The following SEC23A variants were observed in gnomAD, a reference collection of about 807,000 sequenced individuals.
The protein encoded by SEC23A is SEC23 homolog A, COPII component.
In SEC23A, 56 loss-of-function variants were observed where a neutral mutation model predicts 103.7. That is an observed-to-expected ratio of 0.54 (90% CI 0.44 to 0.67). The LOEUF is 0.67. Ranked by LOEUF, SEC23A falls within the 30% of genes least tolerant of loss-of-function variation. The pLI is 0.00. For synonymous variants in SEC23A, 281 were observed against 293.0 expected (o/e 0.96, Z 0.42); for missense variants, 784 against 936.4 (o/e 0.84, Z 2.12).
Position 39,045,296 on chromosome 14 carries a change from A to G in SEC23A, c.1766T>C (p.Phe589Ser). Residue 589 changes from phenylalanine (F) to serine (S), a missense_variant, in exon 16 of 20, where the codon TTC becomes TCC. By Grantham distance (155) the Phe-to-Ser change is radical (BLOSUM62 -2). Coordinates refer to ENST00000307712, the MANE Select transcript of SEC23A (RefSeq NM_006364.4). The stretch of plus-strand genomic sequence containing the variant: ...AGGACTATTGTTAAAAACTTGCAGG[A>G]AAGAAGATCTTCTTAAATGAAACAT... ...QFMFHLRRSS[F>S]LQVFNNSPDE... 1 of 1,610,290 alleles carries G rather than the reference A, an allele frequency of 6.2e-7. No individual in the cohort carries two copies. Among genetic ancestry groups the G allele is most frequent in the South Asian group, 1.1e-5 (1 of 90,962 alleles).
chr14:39,094,420 ATATATATATATATATATATATATTTT>A lies in SEC23A; in HGVS notation c.222-1202_222-1177del, dbSNP rs1323400050. On this transcript the variant is annotated intron_variant, in intron 2 of 19. Coordinates refer to ENST00000307712, the MANE Select transcript of SEC23A (RefSeq NM_006364.4). ...CACATATATATATATATATATATAT[ATATATATATATATATATATATATTTT>A]TTTTTTTTTTTTTTCCCCTCCTGTA... Among the ~76,000 whole-genome samples the A allele has an allele frequency of 2.7e-4, 17 of 62,534 alleles. 5 individuals are homozygous for A. Among genetic ancestry groups the A allele is most frequent in the African/African-American group, 2.0e-3 (15 of 7,616 alleles). The allele number at this position is 62,534 out of a possible 152,430, so 41.0% of individuals were successfully genotyped here.
chr14:39,064,301 CAT>C (rs1253761232), intron 11 of SEC23A, among the ~76,000 whole-genome samples: 3 of 152,040 alleles, frequency 2.0e-5, no homozygotes, highest in African/African-American at 7.2e-5. Flanking sequence ...TCCACAGCTA[CAT>C]GATTCTACCA....
In SEC23A at chr14:39,032,436, C is replaced by T. The variant is rs575287771; in HGVS notation, c.*803G>A. 6.6e-6 allele frequency: 1 copy of T among 152,634 alleles called. No individual in the cohort carries two copies. The highest frequency in any genetic ancestry group is 1.9e-4 in the East Asian group (1 of 5,182). 9.5% of individuals were successfully genotyped at this position (152,634 alleles called of 1,614,324 possible). A position where few individuals can be genotyped will look rare whatever the true frequency, so the allele number is the denominator to read the frequency against. On this transcript the variant is annotated 3_prime_UTR_variant, in exon 20 of 20. Coordinates refer to ENST00000307712, the MANE Select transcript of SEC23A (RefSeq NM_006364.4). ...GAAAAACAAGGGGAAAACAACAAAA[C>T]CATGCTGTGAAAACTAAATTTGGTT...
At chr14:39,048,224 C>T (rs944431283) in intron 15 of SEC23A, among the ~76,000 whole-genome samples, 1 of 152,090 alleles carries the variant, frequency 6.6e-6, no homozygotes, top group Non-Finnish European at 1.5e-5. Context: ...AATTTCTTAG[C>T]TATCCCAAAA....
Position 39,091,697 on chromosome 14 carries a change from G to T in SEC23A, c.383C>A (p.Pro128His), listed in dbSNP as rs760123044. The T allele has an allele frequency of 6.2e-7, 1 of 1,613,254 alleles. No homozygotes were observed. The highest frequency in any genetic ancestry group is 8.5e-7 in the Non-Finnish European group (1 of 1,179,352). ...ATCAACCACATAGAGGAATATCAAA[G>T]GCATCTGAGGACCACGCTTTTAAAA... is the stretch of plus-strand genomic sequence containing the variant. ...EYVVLRGPQMPLIFLYVVDTC... is the reference protein window; with the variant it reads ...EYVVLRGPQMHLIFLYVVDTC... The change falls in exon 5 of 20, where the codon CCT becomes CAT. Residue 128 changes from proline to histidine, a missense_variant. Coordinates refer to ENST00000307712, the MANE Select transcript of SEC23A (RefSeq NM_006364.4).
At position 39,067,300 on chromosome 14, in the gene SEC23A, C is replaced by A; in HGVS notation, c.1104-4G>T. 1 of 1,613,280 alleles carries A rather than the reference C, an allele frequency of 6.2e-7. No individual in the cohort carries two copies. The highest frequency in any genetic ancestry group is 8.5e-7 in the Non-Finnish European group (1 of 1,179,782). ...ATCACCCATTACCATGTATCCTCTG[C>A]ATGGAAAGAACAAAAAAACAACATA... is the stretch of plus-strand genomic sequence containing the variant. On this transcript the variant is annotated splice_region_variant and splice_polypyrimidine_tract_variant and intron_variant, in intron 9 of 19. Transcript: ENST00000307712.
intron 14 of SEC23A, among the ~76,000 whole-genome samples, chr14:39,051,326 G>A (rs187372972): frequency 7.2e-5 from 11 of 152,286 alleles, no homozygotes; most frequent in African/African-American, 2.6e-4. Flanking sequence ...GCTTCCTTCA[G>A]TCATTATCAT....
In SEC23A at chr14:39,082,990, G is replaced by A. The variant is rs75000526; in HGVS notation, c.828+2772C>T. Among the ~76,000 whole-genome samples the A allele has an allele frequency of 1.1e-4, 16 of 152,270 alleles. No homozygotes were observed. In the East Asian group the frequency reaches 3.1e-3, roughly 29 times the overall value. On this transcript the variant is annotated intron_variant, in intron 7 of 19. Coordinates refer to ENST00000307712, the MANE Select transcript of SEC23A (RefSeq NM_006364.4). ...AGTAAAGGAAATTATTGGGACAACT[G>A]GTAAAACTTGAATGGGGTCTGAGAA...
At chr14:39,074,832 G>C (rs1239347427) in intron 8 of SEC23A, among the ~76,000 whole-genome samples, 2 of 152,194 alleles carry the variant, frequency 1.3e-5, no homozygotes, top group African/African-American at 4.8e-5. Flanking sequence ...AACAGGCTGG[G>C]CGTGGTGGCT....
chr14:39,039,023 A>G lies in SEC23A; in HGVS notation c.2208+8T>C. ...AAATAATTTCCAAGACCTGCTATTT[A>G]AACTTACCTGCCCCCAGGCATACAT... On this transcript the variant is annotated splice_region_variant and intron_variant, in intron 19 of 19. Coordinates refer to ENST00000307712, the MANE Select transcript of SEC23A (RefSeq NM_006364.4). 1 of 1,608,528 alleles carries G rather than the reference A, an allele frequency of 6.2e-7. No homozygotes were observed.
chr14:39,072,107 C>T (rs907938791), intron 9 of SEC23A, among the ~76,000 whole-genome samples: 2 of 151,718 alleles, frequency 1.3e-5, no homozygotes, highest in Non-Finnish European at 2.9e-5. Flanking sequence ...TGGTGCACAC[C>T]TGTAATTCCA....
At chr14:39,086,052 C>G in intron 6 of SEC23A, 146 bp from the exon 7 acceptor site, 1 of 733,442 alleles carries the variant, frequency 1.4e-6, no homozygotes. Flanking sequence ...TATATGAGAA[C>G]CAGCTGGAGG....
chr14:39,036,537 C>T (rs1021100952), intron 19 of SEC23A, among the ~76,000 whole-genome samples: 1 of 152,010 alleles, frequency 6.6e-6, no homozygotes, highest in Non-Finnish European at 1.5e-5. Flanking sequence ...TGAAAAGAAA[C>T]AGGCAATTAT....
rs1354768674 is a variant in SEC23A at position 39,067,178 on chromosome 14, T to C, written c.1222A>G (p.Ile408Val). ...FKMGFGGTLE[I>V]KTSREIKISG... Reference sequence around the variant, plus strand: ...TGTCAAGTTTTGGTTCTTACCTTTATTTCTAGCGTACCACCAAAGCCCATT... The same window carrying C: ...TGTCAAGTTTTGGTTCTTACCTTTACTTCTAGCGTACCACCAAAGCCCATT... Residue 408 changes from isoleucine (I) to valine (V), a missense_variant, in exon 10 of 20, where the codon ATA becomes GTA. Physicochemically the swap from Ile to Val is conservative, Grantham distance 29. Transcript: ENST00000307712. 1.9e-6 allele frequency: 3 copies of C among 1,613,716 alleles called. No homozygotes were observed. Among genetic ancestry groups the C allele is most frequent in the Non-Finnish European group, 2.5e-6 (3 of 1,179,894 alleles).
At chr14:39,078,201 A>G (rs1249151486) in intron 7 of SEC23A, among the ~76,000 whole-genome samples, 3 of 151,966 alleles carry the variant, frequency 2.0e-5, no homozygotes, top group African/African-American at 7.3e-5. Flanking sequence ...GCTGCAGTCA[A>G]CCATGATCAT....
Position 39,045,315 on chromosome 14 carries a change from G to A in SEC23A, c.1747C>T (p.His583Tyr). The A allele has an allele frequency of 2.5e-6, 4 of 1,606,766 alleles. No homozygotes were observed. Among genetic ancestry groups the A allele is most frequent in the Non-Finnish European group, 3.4e-6 (4 of 1,173,768 alleles). The stretch of plus-strand genomic sequence containing the variant: ...TGCAGGAAAGAAGATCTTCTTAAAT[G>A]AAACATAAACTGTAAGATAAACACG... ...TFSLYPQFMF[H>Y]LRRSSFLQVF... The change falls in exon 16 of 20, where the codon CAT becomes TAT. Residue 583 changes from histidine (H) to tyrosine (Y), a missense_variant. This residue lies in a region of SEC23A where 683 missense variants were observed against 774.2 expected (regional missense o/e 0.88). Coordinates refer to ENST00000307712, the MANE Select transcript of SEC23A (RefSeq NM_006364.4).
intron 14 of SEC23A, among the ~76,000 whole-genome samples, chr14:39,051,240 CAG>C (rs1376297710): frequency 2.0e-5 from 3 of 152,114 alleles, no homozygotes; most frequent in African/African-American, 7.2e-5. Context: ...GTTTTGGAGA[CAG>C]TGTGCATTAC....
intron 9 of SEC23A, among the ~76,000 whole-genome samples, chr14:39,069,301 C>T (rs1177957263): frequency 6.6e-6 from 1 of 152,078 alleles, no homozygotes; most frequent in Non-Finnish European, 1.5e-5. Context: ...TCATAAAACT[C>T]CTCTGTTGAA....
At chr14:39,047,306 C>G in intron 15 of SEC23A, 1 of 875,066 alleles carries the variant, frequency 1.1e-6, no homozygotes, top group Admixed American at 2.5e-5. Context: ...AGGCTAATGC[C>G]CTCCATCACT....
Sources: gnomAD v4.1 joint callset for allele counts (sites outside exome capture counted in the v4.1 genomes callset) on GRCh38, gnomAD v4.1.1 for gene constraint, gnomAD v4.1.1 regional missense constraint, MANE v1.5 for transcripts, NCBI Gene and HGNC (gene_info 2026-07-23, HGNC 2026-07-21) for gene names.